Variants in DDX6 observed in about 807,000 individuals in gnomAD.
DDX6 encodes probable ATP-dependent RNA helicase DDX6.
DDX6 carries 7 observed loss-of-function variants against 60.6 expected under a neutral mutation model. The observed-to-expected ratio is 0.12, with a 90% CI of 0.07 to 0.22. The LOEUF (loss-of-function observed/expected upper bound fraction) is 0.22. Ranked by LOEUF, DDX6 falls within the 10% of genes least tolerant of loss-of-function variation. The pLI, the probability that DDX6 is intolerant of heterozygous loss-of-function variation, is 1.00. For synonymous variants in DDX6, 207 were observed against 201.0 expected (o/e 1.03, Z -0.25); for missense variants, 270 against 589.9 (o/e 0.46, Z 5.62).
chr11:118,755,948 G>GTGGA (rs1465675219), intron 11 of DDX6, among the ~76,000 whole-genome samples: 1 of 151,656 alleles, frequency 6.6e-6, no homozygotes, highest in African/African-American at 2.4e-5. Context: ...AACCCAGGAG[G>GTGGA]TGGAGGTTTC....
chr11:118,753,226 C>T (rs1294795350), intron 13 of DDX6, among the ~76,000 whole-genome samples: 2 of 151,708 alleles, frequency 1.3e-5, no homozygotes, highest in Admixed American at 1.3e-4. Context: ...CACGGGGTCT[C>T]ACCAGGTTGG....
intron 4 of DDX6, among the ~76,000 whole-genome samples, chr11:118,776,651 G>A (rs1475269683): frequency 1.3e-5 from 2 of 151,898 alleles, no homozygotes; most frequent in Non-Finnish European, 2.9e-5. Context: ...TGGCTAACAT[G>A]GTGAAACCCC....
upstream of DDX6, chr11:118,791,230 T>G (rs891737498): frequency 1.3e-5 from 2 of 152,102 alleles, no homozygotes; most frequent in African/African-American, 4.8e-5. Flanking sequence ...CCTCTCCGCA[T>G]GGCGGCGACC....
At chr11:118,771,915 T>C (rs1220207210) in intron 4 of DDX6, among the ~76,000 whole-genome samples, 1 of 152,218 alleles carries the variant, frequency 6.6e-6, no homozygotes, top group African/African-American at 2.4e-5. Context: ...CCATATGAAC[T>C]AGCAATTCTA....
rs564013126 is a variant in DDX6, at chr11:118,757,439, T to C, written c.994-152A>G. On this transcript the variant is annotated intron_variant, in intron 9 of 13. Coordinates refer to ENST00000534980, the MANE Select transcript of DDX6 (RefSeq NM_004397.6). The stretch of plus-strand genomic sequence containing the variant: ...TGAGAGAGATGGTAAATTGTAAAAA[T>C]TGTAAATAATAGATGGAAGATAATA... 3.9e-5 allele frequency among the ~76,000 whole-genome samples: 6 copies of C among 152,304 alleles called. No individual in the cohort carries two copies. The South Asian group carries it at 6.2e-4, about 16-fold the overall frequency.
rs1555158901 is a variant in DDX6, at chr11:118,756,240, G to A, written c.1174+20C>T. The A allele has an allele frequency of 2.5e-6, 4 of 1,607,912 alleles. No homozygotes were observed. Among genetic ancestry groups the A allele is most frequent in the East Asian group, 4.5e-5 (2 of 44,804 alleles). ...ACTTGGGAGAAAAACACTGGGTAAA[G>A]GAAATACAAAAATACTTACCAGTGC... is the stretch of plus-strand genomic sequence containing the variant. On this transcript the variant is annotated intron_variant, in intron 11 of 13. Transcript: ENST00000534980.
chr11:118,752,983 T>G (rs1037606151), intron 13 of DDX6, among the ~76,000 whole-genome samples: 9 of 151,940 alleles, frequency 5.9e-5, no homozygotes, highest in Admixed American at 5.2e-4. Context: ...GGGTATTTTA[T>G]TTATGTATTT....
chr11:118,757,423 T>G (rs1307321446), intron 9 of DDX6, 136 bp from the exon 10 acceptor site: 1 of 496,066 alleles, frequency 2.0e-6, no homozygotes, highest in Admixed American at 4.1e-5. Context: ...ATGAGAGAGA[T>G]GGTAAATTGT....
At chr11:118,766,869 G>C (rs1432725077) in intron 5 of DDX6, among the ~76,000 whole-genome samples, 1 of 148,616 alleles carries the variant, frequency 6.7e-6, no homozygotes, top group Non-Finnish European at 1.5e-5. Context: ...GTGAGTCACT[G>C]CACCTGGCCT....
chr11:118,776,614 C>T, intron 4 of DDX6, among the ~76,000 whole-genome samples: 1 of 152,128 alleles, frequency 6.6e-6, no homozygotes, highest in East Asian at 1.9e-4. Flanking sequence ...GCAGGCAGAT[C>T]ACAAGGTCAG....
At chr11:118,776,514 C>T (rs1555163628) in intron 4 of DDX6, among the ~76,000 whole-genome samples, 1 of 152,166 alleles carries the variant, frequency 6.6e-6, no homozygotes, top group African/African-American at 2.4e-5. Flanking sequence ...TTGAATGATG[C>T]AGTTCCTACT....
intron 2 of DDX6, among the ~76,000 whole-genome samples, chr11:118,785,023 C>A (rs1862028874): frequency 6.6e-6 from 1 of 152,212 alleles, no homozygotes; most frequent in Non-Finnish European, 1.5e-5. Flanking sequence ...CCACCTTGGC[C>A]TCCCAATGTG....
Position 118,752,602 on chromosome 11 carries a change from G to C in DDX6, c.*8-505C>G, listed in dbSNP as rs782771724. On this transcript the variant is annotated intron_variant, in intron 13 of 13. Transcript: ENST00000534980. The stretch of plus-strand genomic sequence containing the variant: ...AGCCTGGCCAACATGGTAAATCCTC[G>C]TCTCTATTTAAAAAAGAAAGAGAAA... Among the ~76,000 whole-genome samples the C allele has an allele frequency of 2.0e-5, 3 of 151,726 alleles. No individual in the cohort carries two copies. In the East Asian group the frequency reaches 5.8e-4, roughly 29 times the overall value.
chr11:118,753,634 G>A (rs945682406), intron 13 of DDX6, among the ~76,000 whole-genome samples: 50 of 151,942 alleles, frequency 3.3e-4, no homozygotes, highest in African/African-American at 8.5e-4. Context: ...CACCGCACCC[G>A]GCCCAGAGTG....
chr11:118,764,543 G>A (rs1036848232), intron 6 of DDX6, among the ~76,000 whole-genome samples: 24 of 152,014 alleles, frequency 1.6e-4, no homozygotes, highest in Admixed American at 8.5e-4. Context: ...GGTGGCTCAC[G>A]CCTGTAATCC....
intron 13 of DDX6, among the ~76,000 whole-genome samples, chr11:118,753,112 T>A (rs1196472152): frequency 6.6e-6 from 1 of 152,138 alleles, no homozygotes; most frequent in Admixed American, 6.5e-5. Context: ...CACTGCAACC[T>A]CTGCCTCCCA....
intron 4 of DDX6, among the ~76,000 whole-genome samples, chr11:118,769,487 C>T (rs551486694): frequency 1.3e-5 from 2 of 152,222 alleles, no homozygotes; most frequent in South Asian, 2.1e-4. Context: ...GTAGTTCATA[C>T]TAACTTAAAT....
In DDX6 at chr11:118,773,498, G is replaced by A. The variant is rs562426635; in HGVS notation, c.370-5146C>T. Reference sequence around the variant, plus strand: ...GAGGTAGGGGAATGGCGTGAACCCAGGAGGCAGAACTTGCAGTGAGCCAAG... The same window carrying A: ...GAGGTAGGGGAATGGCGTGAACCCAAGAGGCAGAACTTGCAGTGAGCCAAG... On this transcript the variant is annotated intron_variant, in intron 4 of 13. Transcript: ENST00000534980. 1.1e-3 allele frequency among the ~76,000 whole-genome samples: 168 copies of A among 152,300 alleles called. 1 individual carries two copies. Among genetic ancestry groups the A allele is most frequent in the Non-Finnish European group, 9.0e-4 (61 of 68,026 alleles).
At chr11:118,760,594 G>C (rs942925573) in intron 7 of DDX6, among the ~76,000 whole-genome samples, 1 of 151,928 alleles carries the variant, frequency 6.6e-6, no homozygotes. Flanking sequence ...AGGCCGAGGC[G>C]GGAGAATCAC....
Sources: allele counts gnomAD v4.1 joint callset (sites outside exome capture counted in the v4.1 genomes callset), GRCh38; gene constraint gnomAD v4.1.1; transcripts MANE v1.5; gene names NCBI Gene and HGNC (gene_info 2026-07-23, HGNC 2026-07-21).